Variants in LIMCH1 observed in about 807,000 individuals in gnomAD.
LIMCH1 encodes LIM and calponin homology domains-containing protein 1.
Under a neutral mutation model 176.5 loss-of-function variants are expected in LIMCH1, and 113 were observed. The ratio of observed to expected loss-of-function variants is 0.64; its 90% CI spans 0.55 to 0.75. The LOEUF is 0.75. LIMCH1 is among the 30% of genes least tolerant of loss of function. LIMCH1 has a pLI of 0.00. For synonymous variants in LIMCH1, 619 were observed against 645.9 expected (o/e 0.96, Z 0.63); for missense variants, 1,674 against 1,814.9 (o/e 0.92, Z 1.41).
intron 5 of LIMCH1, among the ~76,000 whole-genome samples, chr4:41,616,328 G>A (rs1017261575): frequency 1.3e-5 from 2 of 151,894 alleles, no homozygotes; most frequent in African/African-American, 4.8e-5. Flanking sequence ...AGGAGTTCAA[G>A]ACCAGCCTGG....
chr4:41,676,705 C>T (rs1311553030), intron 23 of LIMCH1, among the ~76,000 whole-genome samples: 2 of 152,118 alleles, frequency 1.3e-5, no homozygotes, highest in Non-Finnish European at 2.9e-5. Flanking sequence ...CCAAAAAACC[C>T]TCCAAGTATG....
chr4:41,458,558 G>A (rs1408337571), intron 1 of LIMCH1, among the ~76,000 whole-genome samples: 2 of 151,874 alleles, frequency 1.3e-5, no homozygotes, highest in Non-Finnish European at 2.9e-5. Context: ...GGCCAATCAC[G>A]AGGTCAAGAG....
chr4:41,590,802 T>C (rs1013500804), intron 1 of LIMCH1, among the ~76,000 whole-genome samples: 9 of 152,166 alleles, frequency 5.9e-5, no homozygotes, highest in African/African-American at 1.4e-4. Context: ...CAAATAAAAA[T>C]GCATTGAAAG....
At chr4:41,626,366 G>T (rs2092951126) in intron 7 of LIMCH1, among the ~76,000 whole-genome samples, 1 of 152,092 alleles carries the variant, frequency 6.6e-6, no homozygotes, top group Non-Finnish European at 1.5e-5. Context: ...ATGTGCTAAA[G>T]AAAAAGGAAC....
At chr4:41,546,537 T>C (rs1028881137) in intron 1 of LIMCH1, among the ~76,000 whole-genome samples, 2 of 152,084 alleles carry the variant, frequency 1.3e-5, no homozygotes, top group African/African-American at 2.4e-5. Context: ...TGGTTTTTTT[T>C]CTCAACTTTC....
intron 1 of LIMCH1, among the ~76,000 whole-genome samples, chr4:41,597,060 C>G (rs956438860): frequency 2.0e-5 from 3 of 152,146 alleles, no homozygotes; most frequent in African/African-American, 7.2e-5. Context: ...CACCATAGAT[C>G]TGGGTTTTCA....
intron 1 of LIMCH1, among the ~76,000 whole-genome samples, chr4:41,571,706 G>A (rs935919555): frequency 2.6e-5 from 4 of 152,096 alleles, no homozygotes; most frequent in South Asian, 2.1e-4. Flanking sequence ...TAATGTGTTC[G>A]GCCATGGAAT....
intron 3 of LIMCH1, among the ~76,000 whole-genome samples, chr4:41,526,387 C>T (rs1289209775): frequency 6.6e-6 from 1 of 151,786 alleles, no homozygotes; most frequent in Non-Finnish European, 1.5e-5. Flanking sequence ...GTAAAGTCAC[C>T]TACTAACCCA....
intron 27 of LIMCH1, 53 bp from the exon 28 acceptor site, chr4:41,685,657 G>A (rs1478695361): frequency 3.1e-6 from 5 of 1,606,672 alleles, no homozygotes; most frequent in African/African-American, 1.3e-5. Context: ...GACTTCCTAG[G>A]TAGTAAGGTG....
intron 6 of LIMCH1, 56 bp from the exon 7 acceptor site, chr4:41,620,368 G>T: frequency 6.7e-7 from 1 of 1,487,282 alleles, no homozygotes; most frequent in Non-Finnish European, 9.0e-7. Flanking sequence ...ATGACATGGG[G>T]TCTGCTCCCC....
intron 1 of LIMCH1, among the ~76,000 whole-genome samples, chr4:41,453,880 C>T (rs1308375197): frequency 6.6e-6 from 1 of 152,120 alleles, no homozygotes; most frequent in Non-Finnish European, 1.5e-5. Context: ...TCTCATTTCT[C>T]TGAAGGGAAC....
intron 1 of LIMCH1, among the ~76,000 whole-genome samples, chr4:41,588,471 T>C (rs2086884914): frequency 1.3e-5 from 2 of 152,068 alleles, no homozygotes; most frequent in South Asian, 4.1e-4. Flanking sequence ...GCTCATAAAT[T>C]TGTGGCAGCT....
At position 41,689,580 on chromosome 4, in the gene LIMCH1, G is replaced by T. The variant is rs757072419; in HGVS notation, c.4220G>T (p.Gly1407Val). ...TCCTGTGGGCTTCCTTTGGGTAAAG[G>T]AGCTGCAATGATCATCGAGACCCTC... is the stretch of plus-strand genomic sequence containing the variant. ...CSSCGLPLGK[G>V]AAMIIETLNL... Residue 1407 changes from glycine (G) to valine (V), a missense_variant, in exon 30 of 32, where the codon GGA (glycine) becomes GTA (valine). By Grantham distance (109) the Gly-to-Val change is moderately radical. Around this residue, in one of 3 missense-constraint regions of LIMCH1, gnomAD observed 1,015 missense variants for 1,102.5 expected, o/e 0.92. Transcript: ENST00000503057. 6.2e-7 allele frequency: 1 copy of T among 1,612,964 alleles called. No individual in the cohort carries two copies. Among genetic ancestry groups the T allele is most frequent in the Non-Finnish European group, 8.5e-7 (1 of 1,179,106 alleles).
intron 26 of LIMCH1, among the ~76,000 whole-genome samples, chr4:41,682,684 T>TC (rs1717140892): frequency 6.6e-6 from 1 of 151,206 alleles, no homozygotes; most frequent in African/African-American, 2.4e-5. Context: ...TCTTCTTTTT[T>TC]TTTTTTTTGC....
intron 18 of LIMCH1, among the ~76,000 whole-genome samples, chr4:41,660,778 T>C (rs141158242): frequency 5.7e-4 from 87 of 152,246 alleles, no homozygotes; most frequent in African/African-American, 2.0e-3. Flanking sequence ...GAATAATTGA[T>C]ATATTTGAGG....
intron 1 of LIMCH1, among the ~76,000 whole-genome samples, chr4:41,575,849 G>C (rs982420181): frequency 6.6e-6 from 1 of 152,128 alleles, no homozygotes; most frequent in African/African-American, 2.4e-5. Flanking sequence ...TATACTTTGG[G>C]CTTCAGGTCC....
At chr4:41,501,607 T>G (rs1366205147) in intron 2 of LIMCH1, among the ~76,000 whole-genome samples, 2 of 152,176 alleles carry the variant, frequency 1.3e-5, no homozygotes, top group Non-Finnish European at 2.9e-5. Flanking sequence ...ATATTTCAGT[T>G]TTTTTGGTGG....
At chr4:41,417,831 G>C (rs1404302319) in intron 1 of LIMCH1, among the ~76,000 whole-genome samples, 7 of 151,868 alleles carry the variant, frequency 4.6e-5, no homozygotes, top group Non-Finnish European at 8.8e-5. Flanking sequence ...GCCTCTAGAG[G>C]GTATTTTAAA....
At chr4:41,530,977 G>A (rs768834611) in intron 3 of LIMCH1, among the ~76,000 whole-genome samples, 39 of 151,816 alleles carry the variant, frequency 2.6e-4, no homozygotes, top group Middle Eastern at 3.4e-3. Context: ...CAACACACCT[G>A]TGATGTTGTT....
Sources: gnomAD v4.1 joint callset for allele counts (sites outside exome capture counted in the v4.1 genomes callset) on GRCh38, gnomAD v4.1.1 for gene constraint, gnomAD v4.1.1 regional missense constraint, MANE v1.5 for transcripts, NCBI Gene and HGNC (gene_info 2026-07-23, HGNC 2026-07-21) for gene names.